Variants in THADA observed in about 807,000 individuals in gnomAD.
The protein encoded by THADA is tRNA (32-2'-O)-methyltransferase regulator THADA.
Under a neutral mutation model 219.8 loss-of-function variants are expected in THADA, and 213 were observed. The ratio of observed to expected loss-of-function variants is 0.97; its 90% CI spans 0.87 to 1.09. The LOEUF (loss-of-function observed/expected upper bound fraction) is 1.09. Among genes scored for constraint, THADA ranks in the 50% least tolerant of loss-of-function variants. The pLI is 0.00. For synonymous variants in THADA, 1,018 were observed against 828.9 expected (o/e 1.23, Z -3.92); for missense variants, 2,956 against 2,311.3 (o/e 1.28, Z -5.72).
intron 26 of THADA, among the ~76,000 whole-genome samples, chr2:43,461,755 ACTC>A (rs982354791): frequency 2.0e-5 from 3 of 151,684 alleles, no homozygotes; most frequent in Admixed American, 1.3e-4. Context: ...ATCCAAGTTT[ACTC>A]CTCCTTGCTT....
At chr2:43,488,669 G>A (rs1314276030) in intron 25 of THADA, among the ~76,000 whole-genome samples, 1 of 152,132 alleles carries the variant, frequency 6.6e-6, no homozygotes, top group African/African-American at 2.4e-5. Context: ...GTGTGAACAT[G>A]TTTTCATTTC....
intron 36 of THADA, among the ~76,000 whole-genome samples, chr2:43,246,108 G>C (rs535998972): frequency 1.3e-5 from 2 of 152,036 alleles, no homozygotes; most frequent in Non-Finnish European, 2.9e-5. Flanking sequence ...GCCTTATCTA[G>C]AATCCAGAAA....
At chr2:43,483,505 C>T (rs987398592) in intron 26 of THADA, among the ~76,000 whole-genome samples, 2 of 152,120 alleles carry the variant, frequency 1.3e-5, no homozygotes, top group African/African-American at 4.8e-5. Context: ...CTTCAGATTA[C>T]TAAAATTAAA....
chr2:43,498,767 T>A, intron 25 of THADA, 66 bp downstream of exon 25: 1 of 1,479,846 alleles, frequency 6.8e-7, no homozygotes, highest in Non-Finnish European at 9.1e-7. Flanking sequence ...CAGTGAAAGA[T>A]TAGTTTATTA....
chr2:43,553,493 A>C (rs1273161099), intron 17 of THADA, among the ~76,000 whole-genome samples: 3 of 152,174 alleles, frequency 2.0e-5, no homozygotes, highest in Admixed American at 1.3e-4. Flanking sequence ...GCCATCTGAG[A>C]GTCAAAAAGA....
chr2:43,371,180 G>C (rs978072232), intron 29 of THADA, among the ~76,000 whole-genome samples: 2 of 151,956 alleles, frequency 1.3e-5, no homozygotes, highest in African/African-American at 4.8e-5. Context: ...TCAGTCCTTG[G>C]GGAACCTTTT....
chr2:43,299,651 ACT>A (rs201103771), intron 31 of THADA, among the ~76,000 whole-genome samples: 1,832 of 151,998 alleles, frequency 0.012, 31 homozygotes, highest in South Asian at 0.072. Flanking sequence ...AACAGAAGAG[ACT>A]CTGTCTCAAA....
chr2:43,374,758 C>T (rs1671187074), intron 29 of THADA, among the ~76,000 whole-genome samples: 1 of 151,822 alleles, frequency 6.6e-6, no homozygotes, highest in African/African-American at 2.4e-5. Context: ...TAGTGTGATC[C>T]TAATTTTAAA....
chr2:43,528,100 TAC>T (rs1693394439), intron 21 of THADA, 112 bp from the exon 22 acceptor site: 1 of 596,048 alleles, frequency 1.7e-6, no homozygotes, highest in African/African-American at 1.9e-5. Context: ...ATTTAGCGCT[TAC>T]CATATGACAG....
intron 10 of THADA, among the ~76,000 whole-genome samples, chr2:43,575,657 C>T (rs1443283390): frequency 2.6e-5 from 4 of 152,214 alleles, no homozygotes; most frequent in East Asian, 1.9e-4. Flanking sequence ...CTGCCTCAGC[C>T]GCCTCAGTAG....
At chr2:43,571,069 A>G (rs1232816358) in intron 13 of THADA, among the ~76,000 whole-genome samples, 1 of 152,092 alleles carries the variant, frequency 6.6e-6, no homozygotes, top group Non-Finnish European at 1.5e-5. Flanking sequence ...CAGCCTGGGT[A>G]ACAGAGCAAG....
At chr2:43,247,706 C>A (rs550568989) in intron 36 of THADA, among the ~76,000 whole-genome samples, 25 of 116,830 alleles carry the variant, frequency 2.1e-4, no homozygotes, top group Non-Finnish European at 3.6e-4. Flanking sequence ...TCCAGACTGG[C>A]GACAGAGCAA....
intron 30 of THADA, among the ~76,000 whole-genome samples, chr2:43,336,855 C>T (rs1229201278): frequency 6.6e-6 from 1 of 152,176 alleles, no homozygotes; most frequent in East Asian, 1.9e-4. Flanking sequence ...GCTCAGGTAA[C>T]CTAATGAGAG....
chr2:43,327,462 G>A (rs997304225), intron 30 of THADA, among the ~76,000 whole-genome samples: 1 of 139,264 alleles, frequency 7.2e-6, no homozygotes, highest in Non-Finnish European at 1.6e-5. Context: ...GAAGGGGAGT[G>A]GGGGGAGAAG....
intron 30 of THADA, among the ~76,000 whole-genome samples, chr2:43,324,085 C>T (rs549941561): frequency 2.6e-5 from 4 of 152,290 alleles, no homozygotes; most frequent in African/African-American, 7.2e-5. Flanking sequence ...AAATGTTTTT[C>T]TGGTTTTCTG....
At chr2:43,376,304 CA>C (rs898794410) in intron 29 of THADA, among the ~76,000 whole-genome samples, 1 of 152,144 alleles carries the variant, frequency 6.6e-6, no homozygotes, top group African/African-American at 2.4e-5. Context: ...ACAATTGAGC[CA>C]ACATTTTTAA....
intron 36 of THADA, among the ~76,000 whole-genome samples, chr2:43,258,415 G>A (rs1321650075): frequency 6.6e-6 from 1 of 152,110 alleles, no homozygotes; most frequent in Non-Finnish European, 1.5e-5. Flanking sequence ...CCAGCTACTT[G>A]GGAGGCTGAG....
chr2:43,573,736 CAG>C (rs1699543014), intron 11 of THADA, among the ~76,000 whole-genome samples: 1 of 152,152 alleles, frequency 6.6e-6, no homozygotes, highest in Non-Finnish European at 1.5e-5. Flanking sequence ...CTTTGTTAAA[CAG>C]AATGTAATAA....
At chr2:43,379,389 A>T (rs1252547900) in intron 29 of THADA, among the ~76,000 whole-genome samples, 2 of 152,188 alleles carry the variant, frequency 1.3e-5, no homozygotes, top group Non-Finnish European at 2.9e-5. Context: ...AGAAAATGTG[A>T]AATAATAGAA....
Sources: gnomAD v4.1 joint callset for allele counts (sites outside exome capture counted in the v4.1 genomes callset) on GRCh38, gnomAD v4.1.1 for gene constraint, MANE v1.5 for transcripts, NCBI Gene and HGNC (gene_info 2026-07-23, HGNC 2026-07-21) for gene names.